Variants in VRK2 observed in about 807,000 individuals in gnomAD.
The protein encoded by VRK2 is serine/threonine-protein kinase VRK2.
In VRK2, 60 loss-of-function variants were observed where a neutral mutation model predicts 57.6. The observed-to-expected ratio is 1.04, with a 90% CI of 0.85 to 1.29. The LOEUF (loss-of-function observed/expected upper bound fraction) is 1.29. Ranked by LOEUF, VRK2 falls within the 50% of genes most tolerant of loss-of-function variation. The pLI is 0.00. For synonymous variants in VRK2, 231 were observed against 199.2 expected (o/e 1.16, Z -1.35); for missense variants, 705 against 588.1 (o/e 1.20, Z -2.06).
At chr2:58,039,888 A>G (rs1389691434) in intron 3 of VRK2, among the ~76,000 whole-genome samples, 1 of 151,466 alleles carries the variant, frequency 6.6e-6, no homozygotes, top group Non-Finnish European at 1.5e-5. Flanking sequence ...ATAAGCATGT[A>G]TTTTATTTTT....
intron 3 of VRK2, among the ~76,000 whole-genome samples, chr2:58,033,836 C>G: frequency 6.6e-6 from 1 of 151,996 alleles, no homozygotes; most frequent in East Asian, 1.9e-4. Context: ...TGGTCATCCA[C>G]AGAGAGCCAT....
intron 1 of VRK2, among the ~76,000 whole-genome samples, chr2:57,915,336 G>C (rs1370489787): frequency 2.0e-5 from 3 of 151,916 alleles, no homozygotes; most frequent in African/African-American, 4.8e-5. Context: ...CAACTATAAA[G>C]TAATAATTCT....
At chr2:58,139,640 C>G (rs1681035266) in intron 10 of VRK2, 26 bp from the exon 11 acceptor site, 1 of 1,594,040 alleles carries the variant, frequency 6.3e-7, no homozygotes, top group African/African-American at 1.4e-5. Flanking sequence ...TTGTGAATGA[C>G]ATGTAAAAAA....
intron 7 of VRK2, among the ~76,000 whole-genome samples, chr2:58,107,119 T>C (rs1176338291): frequency 2.6e-5 from 4 of 152,066 alleles, no homozygotes; most frequent in Non-Finnish European, 5.9e-5. Flanking sequence ...TTCATAAGTA[T>C]GCATGTAATT....
In VRK2 at chr2:58,131,693, C is replaced by T. The variant is rs73944819; in HGVS notation, c.677-115C>T. 6,577 of 1,259,036 alleles carry T rather than the reference C, an allele frequency of 5.2e-3. 246 individuals are homozygous for T. In the African/African-American group the frequency reaches 0.09, roughly 17 times the overall value. 78.0% of individuals were successfully genotyped at this position (1,259,036 alleles called of 1,614,324 possible). On this transcript the variant is annotated intron_variant, in intron 8 of 12. Transcript: ENST00000340157. ...TTTTATTCCAGCTGAACAAATAAAA[C>T]ATTTTGCCTATTTGGCTTTTTCATA...
At chr2:58,106,277 A>G (rs1674737370) in intron 7 of VRK2, among the ~76,000 whole-genome samples, 1 of 151,984 alleles carries the variant, frequency 6.6e-6, no homozygotes, top group South Asian at 2.1e-4. Context: ...GTAAAGAGGC[A>G]ACTGCTAGCC....
intron 1 of VRK2, among the ~76,000 whole-genome samples, chr2:57,961,182 T>C (rs1402614537): frequency 6.6e-6 from 1 of 152,240 alleles, no homozygotes; most frequent in Non-Finnish European, 1.5e-5. Flanking sequence ...GCTGGATTTC[T>C]ATCATTATCA....
intron 1 of VRK2, among the ~76,000 whole-genome samples, chr2:58,015,788 G>A (rs1673562454): frequency 1.3e-5 from 2 of 152,084 alleles, no homozygotes; most frequent in African/African-American, 2.4e-5. Flanking sequence ...TGCACAGCAT[G>A]GGAAAACATG....
intron 2 of VRK2, among the ~76,000 whole-genome samples, chr2:58,050,473 T>G (rs550662006): frequency 3.3e-4 from 50 of 152,312 alleles, no homozygotes; most frequent in Non-Finnish European, 6.3e-4. Flanking sequence ...GACTCAAGGT[T>G]GAGATATAGT....
At position 57,990,421 on chromosome 2, in the gene VRK2, T is replaced by C. The variant is rs150606830; in HGVS notation, c.-438-35244T>C. The stretch of plus-strand genomic sequence containing the variant: ...TGTACTGAAAATGAGTATGTCATAC[T>C]GAGCTGAAAGAAAAGAATTATTCAG... On this transcript the variant is annotated intron_variant, in intron 1 of 15. Transcript: ENST00000417641. Among the ~76,000 whole-genome samples, 15 of 152,184 alleles carry C rather than the reference T, an allele frequency of 9.9e-5. 1 individual carries two copies. The highest frequency in any genetic ancestry group is 9.8e-4 in the Admixed American group (15 of 15,288).
chr2:58,051,467 ACAAAT>A (rs1675733111), intron 2 of VRK2, among the ~76,000 whole-genome samples: 1 of 152,214 alleles, frequency 6.6e-6, no homozygotes, highest in Non-Finnish European at 1.5e-5. Flanking sequence ...AGCTATACAA[ACAAAT>A]CAATATGAAA....
At chr2:58,118,191 A>T (rs1382960592) in intron 7 of VRK2, among the ~76,000 whole-genome samples, 2 of 152,018 alleles carry the variant, frequency 1.3e-5, no homozygotes, top group Non-Finnish European at 2.9e-5. Context: ...AGGGGTAGAG[A>T]CAAGGAGAGA....
chr2:57,928,504 A>G (rs1670615760), intron 1 of VRK2, among the ~76,000 whole-genome samples: 1 of 152,086 alleles, frequency 6.6e-6, no homozygotes, highest in Non-Finnish European at 1.5e-5. Context: ...TGGAAAGGTC[A>G]TATATCTCTG....
In VRK2 at chr2:58,084,862, A is replaced by G; in HGVS notation, c.187-19A>G. 1 of 1,452,454 alleles carries G rather than the reference A, an allele frequency of 6.9e-7. No individual in the cohort carries two copies. Among genetic ancestry groups the G allele is most frequent in the Non-Finnish European group, 9.4e-7 (1 of 1,066,726 alleles). 90.0% of individuals were successfully genotyped at this position (1,452,454 alleles called of 1,614,324 possible). A position where few individuals can be genotyped will look rare whatever the true frequency, so the allele number is the denominator to read the frequency against. Reference sequence around the variant, plus strand: ...GGATTATTTTTTTCTAGTAAAATTAATTATTCTTTTTTTTATAGGAATATC... The same window carrying G: ...GGATTATTTTTTTCTAGTAAAATTAGTTATTCTTTTTTTTATAGGAATATC... On this transcript the variant is annotated intron_variant, in intron 3 of 12. Transcript: ENST00000340157.
intron 9 of VRK2, among the ~76,000 whole-genome samples, chr2:58,134,056 C>A (rs956983062): frequency 6.6e-6 from 1 of 152,138 alleles, no homozygotes; most frequent in African/African-American, 2.4e-5. Context: ...CTGAAAGAGA[C>A]TGGATGGCCC....
intron 1 of VRK2, among the ~76,000 whole-genome samples, chr2:57,909,141 G>C (rs558161765): frequency 1.3e-5 from 2 of 152,162 alleles, no homozygotes; most frequent in Non-Finnish European, 2.9e-5. Flanking sequence ...TGATTCTCAA[G>C]TGAGTGCTCA....
At chr2:58,108,546 T>C (rs1016771) in intron 7 of VRK2, among the ~76,000 whole-genome samples, 47,789 of 151,868 alleles carry the variant, frequency 0.31, 8,777 homozygotes, top group East Asian at 0.44. Context: ...GTGTTGTGTT[T>C]CCACCAACTT....
intron 1 of VRK2, among the ~76,000 whole-genome samples, chr2:57,918,716 C>T (rs1292162432): frequency 1.3e-5 from 2 of 152,040 alleles, no homozygotes; most frequent in South Asian, 4.2e-4. Context: ...TTCTCTAGAC[C>T]CAGAAAGAAA....
In VRK2 at chr2:57,948,868, A is replaced by G. The variant is rs1166218434; in HGVS notation, c.-439+41029A>G. Among the ~76,000 whole-genome samples, 6 of 152,246 alleles carry G rather than the reference A, an allele frequency of 3.9e-5. No homozygotes were observed. In the East Asian group the frequency reaches 1.2e-3, roughly 29 times the overall value. On this transcript the variant is annotated intron_variant, in intron 1 of 15. Coordinates refer to the VRK2 transcript ENST00000417641. Reference sequence around the variant, plus strand: ...CTGAGAAGGAAGAAATTATGGTGTCATTGAAGTTAAGCGGAAAAGGGTAGC... The same window carrying G: ...CTGAGAAGGAAGAAATTATGGTGTCGTTGAAGTTAAGCGGAAAAGGGTAGC...
Sources: gnomAD v4.1 joint callset for allele counts (sites outside exome capture counted in the v4.1 genomes callset) on GRCh38, gnomAD v4.1.1 for gene constraint, MANE v1.5 for transcripts, NCBI Gene and HGNC (gene_info 2026-07-23, HGNC 2026-07-21) for gene names.